MAN1A2: variants seen among roughly 807,000 people sequenced by gnomAD.
MAN1A2 encodes the protein mannosyl-oligosaccharide 1,2-alpha-mannosidase IB.
In MAN1A2, 26 loss-of-function variants were observed where a neutral mutation model predicts 75.7. That is an observed-to-expected ratio of 0.34 (90% confidence interval 0.25 to 0.48). The LOEUF (loss-of-function observed/expected upper bound fraction) is 0.48, where lower values mean the gene tolerates loss of function less well. Ranked by LOEUF, MAN1A2 falls within the 20% of genes least tolerant of loss-of-function variation. The pLI, the probability that MAN1A2 is intolerant of heterozygous loss-of-function variation, is 0.99. For missense variants in MAN1A2, 562 were observed against 775.5 expected (o/e 0.72, Z 3.27); for synonymous variants, 247 against 264.6 (o/e 0.93, Z 0.65).
At chr1:117,450,256 A>G (rs975231540) in intron 6 of MAN1A2, among the ~76,000 whole-genome samples, 1 of 152,184 alleles carries the variant, frequency 6.6e-6, no homozygotes, top group Non-Finnish European at 1.5e-5. Context: ...GACTGGTGGC[A>G]TTTTGCTCCT....
At chr1:117,461,605 G>T (rs1649823934) in intron 7 of MAN1A2, among the ~76,000 whole-genome samples, 1 of 151,878 alleles carries the variant, frequency 6.6e-6, no homozygotes, top group Non-Finnish European at 1.5e-5. Context: ...GGATGTTTCA[G>T]TTACTCAAAT....
rs1343101146 is a variant in MAN1A2 at position 117,367,873 on chromosome 1, T to G, written c.-311T>G. 7.2e-6 allele frequency: 2 copies of G among 276,142 alleles called. No individual in the cohort carries two copies. The highest frequency in any genetic ancestry group is 1.5e-4 in the East Asian group (2 of 13,588). The allele number at this position is 276,142 out of a possible 1,614,324, so 17.1% of individuals were successfully genotyped here. On this transcript the variant is annotated 5_prime_UTR_variant, in exon 1 of 13. Transcript: ENST00000356554. ...GAATGGAAGAACCCACCTTGCAGCT[T>G]TTCTGCAGTGTGGCTTGCCTGATCT...
chr1:117,368,476 A>C lies in MAN1A2; in HGVS notation c.293A>C (p.His98Pro). The C allele has an allele frequency of 6.2e-7, 1 of 1,607,816 alleles. No homozygotes were observed. The highest frequency in any genetic ancestry group is 1.1e-5 in the South Asian group (1 of 90,130). The change falls in exon 1 of 13, where the codon CAT becomes CCT. Residue 98 changes from histidine to proline, a missense_variant. Coordinates refer to ENST00000356554, the MANE Select transcript of MAN1A2 (RefSeq NM_006699.5). ...TTCCTGATCCATGGACCCGATGAAC[A>C]TAGACACAGGTTTGTTTATTTCAGA... ...GVFLIHGPDE[H>P]RHREEEERLR...
chr1:117,512,517 C>T (rs1651567635), intron 12 of MAN1A2, among the ~76,000 whole-genome samples: 1 of 152,060 alleles, frequency 6.6e-6, no homozygotes, highest in Non-Finnish European at 1.5e-5. Context: ...TTGATAACCA[C>T]TGACATCTGT....
At chr1:117,516,004 T>C (rs1651703686) in intron 12 of MAN1A2, 1 of 152,068 alleles carries the variant, frequency 6.6e-6, no homozygotes, top group Non-Finnish European at 1.5e-5. Context: ...TGCAAAGCAC[T>C]CATACTTTAA....
chr1:117,484,756 T>C (rs1182477537), intron 8 of MAN1A2, among the ~76,000 whole-genome samples: 1 of 151,988 alleles, frequency 6.6e-6, no homozygotes, highest in East Asian at 1.9e-4. Context: ...TGTATGTCTG[T>C]GTATATGTAA....
chr1:117,522,301 C>G (rs1187366284), intron 12 of MAN1A2, among the ~76,000 whole-genome samples: 1 of 151,858 alleles, frequency 6.6e-6, no homozygotes, highest in Non-Finnish European at 1.5e-5. Flanking sequence ...TATGTTATGA[C>G]TAAATGGGTT....
intron 1 of MAN1A2, among the ~76,000 whole-genome samples, chr1:117,397,239 A>G (rs145873748): frequency 6.6e-6 from 1 of 152,258 alleles, no homozygotes; most frequent in Non-Finnish European, 1.5e-5. Flanking sequence ...ATAAATCTAT[A>G]GATTATTTAG....
intron 8 of MAN1A2, among the ~76,000 whole-genome samples, chr1:117,480,384 T>G (rs1485777291): frequency 6.6e-6 from 1 of 151,880 alleles, no homozygotes; most frequent in Non-Finnish European, 1.5e-5. Context: ...GGACTCACCT[T>G]GTTTGTTTTC....
chr1:117,449,903 T>A (rs982735271), intron 6 of MAN1A2, among the ~76,000 whole-genome samples: 8 of 152,182 alleles, frequency 5.3e-5, no homozygotes, highest in Admixed American at 5.2e-4. Context: ...GAGAAAAGTT[T>A]GAGGCTTGCA....
chr1:117,507,327 G>A (rs1651405101), intron 12 of MAN1A2, among the ~76,000 whole-genome samples: 1 of 151,660 alleles, frequency 6.6e-6, no homozygotes, highest in Admixed American at 6.6e-5. Context: ...AGTCATGAAA[G>A]CTAGAAGCAT....
chr1:117,441,152 G>GCCTT (rs1649016721), intron 5 of MAN1A2, among the ~76,000 whole-genome samples: 1 of 152,164 alleles, frequency 6.6e-6, no homozygotes, highest in African/African-American at 2.4e-5. Flanking sequence ...GGGACAGAGT[G>GCCTT]AATGAAGGAG....
At chr1:117,405,525 G>A (rs140907577) in intron 2 of MAN1A2, 24 bp from the exon 3 acceptor site, 2 of 1,385,996 alleles carry the variant, frequency 1.4e-6, no homozygotes, top group Non-Finnish European at 2.1e-6. Context: ...TTAAATTGAT[G>A]GATTATAATT....
At chr1:117,501,941 T>C (rs1220775495) in intron 11 of MAN1A2, among the ~76,000 whole-genome samples, 1 of 151,760 alleles carries the variant, frequency 6.6e-6, no homozygotes, top group African/African-American at 2.4e-5. Flanking sequence ...CTTTTCATGA[T>C]TGGTTGAATT....
chr1:117,410,403 G>C (rs1409164025), intron 3 of MAN1A2, among the ~76,000 whole-genome samples: 1 of 151,764 alleles, frequency 6.6e-6, no homozygotes, highest in African/African-American at 2.4e-5. Flanking sequence ...AAAACTGTCA[G>C]CACACTAAAC....
chr1:117,415,861 C>CT (rs1647973534), intron 4 of MAN1A2, among the ~76,000 whole-genome samples: 1 of 152,040 alleles, frequency 6.6e-6, no homozygotes, highest in Non-Finnish European at 1.5e-5. Context: ...TGACTGTTCT[C>CT]TAAGAAGACT....
intron 5 of MAN1A2, among the ~76,000 whole-genome samples, chr1:117,431,193 GA>G (rs1265718475): frequency 1.3e-5 from 1 of 75,602 alleles, no homozygotes; most frequent in African/African-American, 5.0e-5. Context: ...ACCGTGGGGA[GA>G]GGGAGGGGGA....
intron 12 of MAN1A2, chr1:117,515,674 AT>A (rs1218366353): frequency 1.3e-5 from 2 of 152,820 alleles, no homozygotes; most frequent in Non-Finnish European, 2.9e-5. Context: ...GGGAAGCAGC[AT>A]GGATGACCCT....
chr1:117,480,759 C>T (rs1650471724), intron 8 of MAN1A2, among the ~76,000 whole-genome samples: 2 of 151,738 alleles, frequency 1.3e-5, no homozygotes, highest in Non-Finnish European at 2.9e-5. Flanking sequence ...CTGTATCTTC[C>T]CTCTGAACAA....
Sources: gnomAD v4.1 joint callset for allele counts (sites outside exome capture counted in the v4.1 genomes callset) on GRCh38, gnomAD v4.1.1 for gene constraint, MANE v1.5 for transcripts, NCBI Gene and HGNC (gene_info 2026-07-23, HGNC 2026-07-21) for gene names.